Variants in EPB41 observed in about 807,000 individuals in gnomAD.
EPB41 encodes protein 4.1.
In EPB41, 65 loss-of-function variants were observed where a neutral mutation model predicts 108.0. The observed-to-expected ratio is 0.60, with a 90% CI of 0.49 to 0.74. EPB41 has a LOEUF of 0.74. Among genes scored for constraint, EPB41 ranks in the 30% least tolerant of loss-of-function variants. The pLI is 0.00. For missense variants in EPB41, 875 were observed against 1,037.0 expected, an observed-to-expected ratio of 0.84 and a Z score of 2.15; for synonymous variants, 336 against 358.9, an observed-to-expected ratio of 0.94 and a Z score of 0.72.
chr1:29,078,997 AT>A (rs541446416), intron 16 of EPB41, among the ~76,000 whole-genome samples: 418 of 143,670 alleles, frequency 2.9e-3, no homozygotes, highest in Admixed American at 2.9e-3. Flanking sequence ...AAGTAAAATG[AT>A]TTTTTTTTTT....
At chr1:28,934,885 A>C (rs368994145) in intron 1 of EPB41, among the ~76,000 whole-genome samples, 61 of 151,886 alleles carry the variant, frequency 4.0e-4, no homozygotes, top group African/African-American at 1.4e-3. Context: ...TACTCCCAGC[A>C]CTTTGGAAGG....
chr1:28,992,683 C>G (rs1456034498), intron 2 of EPB41, among the ~76,000 whole-genome samples: 1 of 151,422 alleles, frequency 6.6e-6, no homozygotes, highest in Non-Finnish European at 1.5e-5. Flanking sequence ...AGTGAGACTC[C>G]GTCTCAAAAA....
chr1:28,902,126 T>G (rs1215397775), intron 1 of EPB41: 1 of 964,118 alleles, frequency 1.0e-6, no homozygotes, highest in Non-Finnish European at 1.2e-6. Flanking sequence ...GATCTAGGAA[T>G]ATTTTGAGCA....
At chr1:29,077,965 G>A (rs887119255) in intron 16 of EPB41, among the ~76,000 whole-genome samples, 3 of 152,120 alleles carry the variant, frequency 2.0e-5, no homozygotes, top group Non-Finnish European at 4.4e-5. Flanking sequence ...AGTGGTTCAC[G>A]CCTGTAATCC....
chr1:28,993,182 T>C, intron 2 of EPB41, 148 bp from the exon 3 acceptor site: 1 of 656,496 alleles, frequency 1.5e-6, no homozygotes, highest in East Asian at 3.0e-5. Flanking sequence ...GATCATACTA[T>C]TTTTTATAGA....
rs1452350290 is a variant in EPB41, at chr1:28,887,937, T to C, written c.-8+727T>C. On this transcript the variant is annotated intron_variant, in intron 1 of 16. Transcript: ENST00000347529. The surrounding 1 kb of genome is among the most constrained non-coding windows in gnomAD (Gnocchi z 4.9). ...TCTGTCGTCTCTGTTTTGCTGTCTT[T>C]TCCTGTCTCTGTCCTCTGTCTTTCC... is the stretch of plus-strand genomic sequence containing the variant. 6.6e-6 allele frequency among the ~76,000 whole-genome samples: 1 copy of C among 152,348 alleles called. No homozygotes were observed. The highest frequency in any genetic ancestry group is 6.5e-5 in the Admixed American group (1 of 15,302).
chr1:28,942,838 C>T (rs974871585), intron 1 of EPB41, among the ~76,000 whole-genome samples: 3 of 152,216 alleles, frequency 2.0e-5, no homozygotes, highest in African/African-American at 7.2e-5. Flanking sequence ...CCAGCCATCA[C>T]TCAATTCATT....
At chr1:28,970,560 C>T (rs111834749) in intron 1 of EPB41, among the ~76,000 whole-genome samples, 4 of 152,300 alleles carry the variant, frequency 2.6e-5, no homozygotes, top group South Asian at 2.1e-4. Flanking sequence ...CTTTCAGTTA[C>T]ATTTTCAGGC....
intron 18 of EPB41, among the ~76,000 whole-genome samples, chr1:29,110,091 T>G (rs1668645905): frequency 6.6e-6 from 1 of 151,784 alleles, no homozygotes; most frequent in South Asian, 2.1e-4. Flanking sequence ...ATTCCAGTAC[T>G]TTGGGAGGCT....
intron 10 of EPB41, among the ~76,000 whole-genome samples, chr1:29,037,329 G>T (rs1298826958): frequency 6.7e-6 from 1 of 149,498 alleles, no homozygotes; most frequent in Non-Finnish European, 1.5e-5. Context: ...TGATCTGCTC[G>T]CCTCGGCCTC....
At chr1:28,931,374 A>T (rs1429539586) in intron 1 of EPB41, among the ~76,000 whole-genome samples, 1 of 105,922 alleles carries the variant, frequency 9.4e-6, no homozygotes, top group Non-Finnish European at 1.9e-5. Flanking sequence ...TCTGTCATTA[A>T]AAAAAAAAAA....
intron 16 of EPB41, chr1:29,068,853 C>T (rs1649792993): frequency 8.8e-7 from 1 of 1,131,952 alleles, no homozygotes; most frequent in African/African-American, 1.6e-5. Flanking sequence ...AGCAGATAAT[C>T]CCCCCAGAAC....
At chr1:28,923,730 G>T (rs138760246) in intron 1 of EPB41, among the ~76,000 whole-genome samples, 1 of 152,278 alleles carries the variant, frequency 6.6e-6, no homozygotes, top group East Asian at 1.9e-4. Flanking sequence ...AGATGGAAAA[G>T]ACTAGCATTG....
intron 16 of EPB41, among the ~76,000 whole-genome samples, chr1:29,088,032 T>A (rs1659801674): frequency 1.4e-5 from 2 of 147,202 alleles, no homozygotes; most frequent in African/African-American, 2.6e-5. Flanking sequence ...TCTTTTTTCC[T>A]TTTTCTTTTT....
chr1:28,926,322 T>C (rs1405671371), intron 1 of EPB41, among the ~76,000 whole-genome samples: 1 of 152,232 alleles, frequency 6.6e-6, no homozygotes, highest in Non-Finnish European at 1.5e-5. Flanking sequence ...GTTATTTTGA[T>C]GATTAAATGG....
intron 16 of EPB41, among the ~76,000 whole-genome samples, chr1:29,092,093 C>CTTTTTT (rs35413713): frequency 8.8e-5 from 10 of 113,154 alleles, no homozygotes; most frequent in Non-Finnish European, 1.1e-4. Context: ...TTCTTACCTT[C>CTTTTTT]TTTTTTTTTT....
chr1:29,007,471 G>A (rs934004436), intron 4 of EPB41, among the ~76,000 whole-genome samples: 10 of 152,160 alleles, frequency 6.6e-5, no homozygotes, highest in Admixed American at 4.6e-4. Flanking sequence ...ACAGTTTTCT[G>A]TAGTGGTTTT....
In EPB41 at chr1:28,990,906, T is replaced by C. The variant is rs16837817; in HGVS notation, c.469-2424T>C. Among the ~76,000 whole-genome samples the C allele has an allele frequency of 7.4e-3, 1,128 of 152,282 alleles. 10 individuals carry two copies. The highest frequency in any genetic ancestry group is 0.026 in the African/African-American group (1,061 of 41,560). On this transcript the variant is annotated intron_variant, in intron 2 of 20. Coordinates refer to ENST00000343067, the MANE Select transcript of EPB41 (RefSeq NM_001376013.1). ...TAAAATCTCATTCATTAAGATTTAA[T>C]TCCGAATTGAAATAAATTGTCCGTA...
intron 1 of EPB41, among the ~76,000 whole-genome samples, chr1:28,952,811 G>A (rs1049837736): frequency 2.0e-5 from 3 of 152,024 alleles, no homozygotes; most frequent in East Asian, 3.9e-4. Flanking sequence ...AATTTCTTGC[G>A]TAAATTTAGA....
Sources: allele counts gnomAD v4.1 joint callset (sites outside exome capture counted in the v4.1 genomes callset), GRCh38; gene constraint gnomAD v4.1.1; non-coding constraint Gnocchi (gnomAD v3.1); transcripts MANE v1.5; gene names NCBI Gene and HGNC (gene_info 2026-07-23, HGNC 2026-07-21).